Variants in LRRTM4 observed in about 807,000 individuals in gnomAD.
LRRTM4 encodes the protein leucine-rich repeat transmembrane neuronal protein 4.
Under a neutral mutation model 47.6 loss-of-function variants are expected in LRRTM4, and 25 were observed. That is an observed-to-expected ratio of 0.53 (90% confidence interval 0.38 to 0.73). LRRTM4 has a LOEUF of 0.73. Ranked by LOEUF, LRRTM4 falls within the 30% of genes least tolerant of loss-of-function variation. LRRTM4 has a pLI of 0.00. For missense variants in LRRTM4, 638 were observed against 713.4 expected (o/e 0.89, Z 1.20); for synonymous variants, 311 against 269.5 (o/e 1.15, Z -1.51).
intron 3 of LRRTM4, among the ~76,000 whole-genome samples, chr2:77,052,255 G>A (rs62170913): frequency 0.13 from 18,200 of 142,160 alleles, 1,379 homozygotes; most frequent in Admixed American, 0.21. Flanking sequence ...CACAACCTCC[G>A]GCTCCCAGAT....
At chr2:77,452,709 G>A (rs958730658) in intron 3 of LRRTM4, among the ~76,000 whole-genome samples, 10 of 152,114 alleles carry the variant, frequency 6.6e-5, no homozygotes, top group East Asian at 1.9e-4. Flanking sequence ...TTTGCACGGC[G>A]CCCTGCAAAT....
chr2:77,239,723 C>T (rs1037426664), intron 3 of LRRTM4, among the ~76,000 whole-genome samples: 1 of 151,774 alleles, frequency 6.6e-6, no homozygotes, highest in African/African-American at 2.4e-5. Context: ...GATATAATAA[C>T]CCTATTGTTG....
intron 3 of LRRTM4, among the ~76,000 whole-genome samples, chr2:76,911,620 G>A (rs775618401): frequency 2.6e-5 from 4 of 151,754 alleles, no homozygotes; most frequent in East Asian, 1.9e-4. Flanking sequence ...AATCAAACAC[G>A]GCAGAGAGAG....
intron 3 of LRRTM4, among the ~76,000 whole-genome samples, chr2:76,893,647 T>C (rs1422269777): frequency 2.0e-5 from 3 of 151,394 alleles, no homozygotes; most frequent in Non-Finnish European, 4.4e-5. Context: ...ACTTGGGAAC[T>C]TCCTTAAAGA....
intron 3 of LRRTM4, among the ~76,000 whole-genome samples, chr2:76,935,229 T>C (rs1674903274): frequency 6.6e-6 from 1 of 152,080 alleles, no homozygotes; most frequent in African/African-American, 2.4e-5. Context: ...TTGTATATTA[T>C]ATATGCAAAA....
At chr2:77,387,263 G>A (rs1329135804) in intron 3 of LRRTM4, among the ~76,000 whole-genome samples, 1 of 152,038 alleles carries the variant, frequency 6.6e-6, no homozygotes, top group Non-Finnish European at 1.5e-5. Flanking sequence ...CTCAGGAAAG[G>A]GGACATACTG....
chr2:77,347,597 T>C (rs576454186), intron 3 of LRRTM4, among the ~76,000 whole-genome samples: 1 of 152,106 alleles, frequency 6.6e-6, no homozygotes, highest in Non-Finnish European at 1.5e-5. Context: ...GTTTTTTAAA[T>C]AAATCATGGA....
chr2:77,237,432 T>G (rs1675132915), intron 3 of LRRTM4, among the ~76,000 whole-genome samples: 1 of 152,116 alleles, frequency 6.6e-6, no homozygotes, highest in Admixed American at 6.6e-5. Flanking sequence ...TATTTTGATA[T>G]TCTCTCTTTT....
intron 3 of LRRTM4, among the ~76,000 whole-genome samples, chr2:77,198,896 A>G: frequency 6.6e-6 from 1 of 152,108 alleles, no homozygotes; most frequent in Non-Finnish European, 1.5e-5. Flanking sequence ...TTATTTTCTT[A>G]TTACTTGTGA....
rs543888099 is a variant in LRRTM4, at chr2:77,348,353, A to G, written c.1551+169965T>C. Among the ~76,000 whole-genome samples, 127 of 151,800 alleles carry G rather than the reference A, an allele frequency of 8.4e-4. 2 individuals are homozygous for G. The highest frequency in any genetic ancestry group is 7.3e-3 in the South Asian group (35 of 4,816). On this transcript the variant is annotated intron_variant, in intron 3 of 3. Transcript: ENST00000409884. ...TTTAAAAAAGGAAATTTTCTTTTTA[A>G]TTTTATTTTATACCCTGTATCGTGC...
intron 3 of LRRTM4, chr2:77,516,621 T>C (rs1679215745): frequency 1.0e-6 from 1 of 982,948 alleles, no homozygotes; most frequent in Non-Finnish European, 1.2e-6. Flanking sequence ...AAGTATATTG[T>C]ATAATTGTGG....
chr2:76,870,743 G>A (rs753677845), intron 3 of LRRTM4, among the ~76,000 whole-genome samples: 5 of 152,084 alleles, frequency 3.3e-5, no homozygotes, highest in Non-Finnish European at 5.9e-5. Flanking sequence ...CAGGAGGAAG[G>A]GTGAGTCAAT....
chr2:77,353,402 T>C (rs1324660995), intron 3 of LRRTM4, among the ~76,000 whole-genome samples: 1 of 152,194 alleles, frequency 6.6e-6, no homozygotes, highest in African/African-American at 2.4e-5. Flanking sequence ...TGTTTGTAAA[T>C]TCCTCAATGA....
intron 3 of LRRTM4, among the ~76,000 whole-genome samples, chr2:77,482,279 A>T (rs1001947974): frequency 1.3e-5 from 2 of 152,210 alleles, no homozygotes; most frequent in African/African-American, 4.8e-5. Flanking sequence ...CTTATTTCTC[A>T]TTTGATTTCC....
At chr2:76,873,402 AT>A (rs1485154298) in intron 3 of LRRTM4, among the ~76,000 whole-genome samples, 2 of 150,586 alleles carry the variant, frequency 1.3e-5, no homozygotes, top group Non-Finnish European at 1.5e-5. Flanking sequence ...TATAGTCTGT[AT>A]ATGTATATAA....
rs1274585830 is a variant in LRRTM4 at position 77,091,777 on chromosome 2, C to T, written c.1552-342861G>A. ...ACAGCCCCCATTACTTCAATCAAGC[C>T]CAAATTTCTTCCTCATCTGTTACCT... On this transcript the variant is annotated intron_variant, in intron 3 of 3. Coordinates refer to ENST00000409884, the MANE Select transcript of LRRTM4 (RefSeq NM_001134745.3). Among the ~76,000 whole-genome samples, 8 of 150,256 alleles carry T rather than the reference C, an allele frequency of 5.3e-5. No homozygotes were observed. In the South Asian group the frequency reaches 1.5e-3, roughly 28 times the overall value.
At chr2:77,346,749 GTAA>G (rs1225729270) in intron 3 of LRRTM4, among the ~76,000 whole-genome samples, 3 of 151,876 alleles carry the variant, frequency 2.0e-5, no homozygotes, top group Non-Finnish European at 2.9e-5. Context: ...GTTTCATTAA[GTAA>G]TAATAATATA....
At chr2:77,055,321 C>T (rs1415723833) in intron 3 of LRRTM4, among the ~76,000 whole-genome samples, 1 of 152,198 alleles carries the variant, frequency 6.6e-6, no homozygotes, top group Non-Finnish European at 1.5e-5. Context: ...TAGTAGAAAT[C>T]AGCCTTGCTC....
chr2:77,245,173 C>T (rs1002196049), intron 3 of LRRTM4, among the ~76,000 whole-genome samples: 6 of 151,072 alleles, frequency 4.0e-5, no homozygotes, highest in Non-Finnish European at 8.8e-5. Flanking sequence ...TCTAAGAAGG[C>T]AATAATCTAC....
Sources: gnomAD v4.1 joint callset for allele counts (sites outside exome capture counted in the v4.1 genomes callset) on GRCh38, gnomAD v4.1.1 for gene constraint, MANE v1.5 for transcripts, NCBI Gene and HGNC (gene_info 2026-07-23, HGNC 2026-07-21) for gene names.